Variants in PTPRK observed in about 807,000 individuals in gnomAD.
The protein encoded by PTPRK is protein tyrosine phosphatase receptor type K, also known as receptor-type tyrosine-protein phosphatase kappa.
PTPRK carries 75 observed loss-of-function variants against 178.0 expected under a neutral mutation model. That is an observed-to-expected ratio of 0.42 (90% confidence interval 0.35 to 0.51). The LOEUF is 0.51. Among genes scored for constraint, PTPRK ranks in the 20% least tolerant of loss-of-function variants. The pLI, the probability that PTPRK is intolerant of heterozygous loss-of-function variation, is 0.02. For synonymous variants in PTPRK, 637 were observed against 620.6 expected (o/e 1.03, Z -0.39); for missense variants, 1,441 against 1,797.8 (o/e 0.80, Z 3.59).
intron 1 of PTPRK, among the ~76,000 whole-genome samples, chr6:128,442,501 C>T (rs1180025044): frequency 1.3e-5 from 2 of 152,158 alleles, no homozygotes; most frequent in African/African-American, 2.4e-5. Context: ...GGCCCTCCCA[C>T]CTACAACTAT....
chr6:127,976,507 G>A, intron 27 of PTPRK, 150 bp downstream of exon 27: 1 of 957,750 alleles, frequency 1.0e-6, no homozygotes, highest in East Asian at 2.6e-5. Flanking sequence ...TTTTATTCGA[G>A]TACTAAGGCA....
intron 7 of PTPRK, among the ~76,000 whole-genome samples, chr6:128,126,261 CCT>C (rs759755633): frequency 1.8e-3 from 272 of 152,208 alleles, no homozygotes; most frequent in Non-Finnish European, 3.1e-3. Flanking sequence ...TGTTCCCCTC[CCT>C]GTGTCCATGT....
At chr6:128,486,752 T>C (rs1442820728) in intron 1 of PTPRK, among the ~76,000 whole-genome samples, 2 of 150,780 alleles carry the variant, frequency 1.3e-5, no homozygotes, top group Non-Finnish European at 2.9e-5. Flanking sequence ...CACTCCAGCC[T>C]GGGTGATAGA....
intron 7 of PTPRK, among the ~76,000 whole-genome samples, chr6:128,107,493 G>C (rs1789917250): frequency 6.6e-6 from 1 of 152,052 alleles, no homozygotes; most frequent in Non-Finnish European, 1.5e-5. Context: ...CTAGCCCAAA[G>C]CTGTATAATG....
intron 7 of PTPRK, among the ~76,000 whole-genome samples, chr6:128,116,124 T>C (rs1027783005): frequency 6.6e-6 from 1 of 152,094 alleles, no homozygotes; most frequent in African/African-American, 2.4e-5. Flanking sequence ...CCTAATTATA[T>C]CTTCTATACT....
chr6:128,419,871 A>G (rs1407665948), intron 1 of PTPRK, among the ~76,000 whole-genome samples: 1 of 152,164 alleles, frequency 6.6e-6, no homozygotes. Context: ...TCCCTCCAAA[A>G]AGGAAGGTAA....
At chr6:128,241,210 T>A (rs1189932406) in intron 4 of PTPRK, 1 of 532,970 alleles carries the variant, frequency 1.9e-6, no homozygotes, top group Non-Finnish European at 3.9e-6. Context: ...TACATCTTTC[T>A]CTAGTGACTT....
At chr6:128,166,180 A>G (rs1263873777) in intron 7 of PTPRK, among the ~76,000 whole-genome samples, 1 of 151,730 alleles carries the variant, frequency 6.6e-6, no homozygotes, top group African/African-American at 2.4e-5. Context: ...CCTGAAGGTT[A>G]TGCATTACGG....
At chr6:128,299,622 A>G (rs2128311163) in intron 3 of PTPRK, among the ~76,000 whole-genome samples, 1 of 152,042 alleles carries the variant, frequency 6.6e-6, no homozygotes, top group East Asian at 1.9e-4. Context: ...GCAATGCGGA[A>G]AGGATTCCCT....
At chr6:128,472,896 C>T (rs1218443301) in intron 1 of PTPRK, among the ~76,000 whole-genome samples, 2 of 152,006 alleles carry the variant, frequency 1.3e-5, no homozygotes, top group African/African-American at 4.8e-5. Flanking sequence ...TTATTTGTGG[C>T]AGCAGTGTGA....
Position 128,083,700 on chromosome 6 carries a change from T to C in PTPRK, c.1575+15A>G. On this transcript the variant is annotated intron_variant, in intron 9 of 29. Coordinates refer to ENST00000368226, the MANE Select transcript of PTPRK (RefSeq NM_002844.4). ...TCAATCCACATTTCAATTAACTTCC[T>C]TGTTCTCCCAATACCTCATATTGAG... 1 of 1,491,164 alleles carries C rather than the reference T, an allele frequency of 6.7e-7. No individual in the cohort carries two copies. The highest frequency in any genetic ancestry group is 9.2e-7 in the Non-Finnish European group (1 of 1,087,568). The allele number at this position is 1,491,164 out of a possible 1,614,324, so 92.4% of individuals were successfully genotyped here. A position where few individuals can be genotyped will look rare whatever the true frequency, so the allele number is the denominator to read the frequency against.
At chr6:128,082,366 G>T in intron 10 of PTPRK, 71 bp downstream of exon 10, 1 of 1,388,766 alleles carries the variant, frequency 7.2e-7, no homozygotes, top group South Asian at 1.2e-5. Context: ...GTTTATATGT[G>T]ATTCTCCAGG....
At chr6:128,347,777 A>G (rs1482816787) in intron 2 of PTPRK, among the ~76,000 whole-genome samples, 4 of 152,130 alleles carry the variant, frequency 2.6e-5, no homozygotes, top group Admixed American at 2.6e-4. Flanking sequence ...ATTATCAGGA[A>G]ATAAACTTTT....
chr6:128,288,182 A>G (rs1822817365), intron 3 of PTPRK, among the ~76,000 whole-genome samples: 1 of 152,160 alleles, frequency 6.6e-6, no homozygotes, highest in Non-Finnish European at 1.5e-5. Context: ...ATTTCACTGT[A>G]TACTCGTTGG....
chr6:128,329,018 G>T (rs886309855), intron 2 of PTPRK, among the ~76,000 whole-genome samples: 5 of 152,110 alleles, frequency 3.3e-5, no homozygotes, highest in African/African-American at 1.2e-4. Flanking sequence ...AGAGAAAAAA[G>T]GAAAACTATA....
chr6:128,404,640 C>T (rs1841438797), intron 1 of PTPRK, among the ~76,000 whole-genome samples: 1 of 152,216 alleles, frequency 6.6e-6, no homozygotes, highest in Non-Finnish European at 1.5e-5. Flanking sequence ...CCTCTGAGAC[C>T]TGGGCAGCTC....
intron 7 of PTPRK, among the ~76,000 whole-genome samples, chr6:128,094,087 G>A (rs184992784): frequency 6.6e-6 from 1 of 152,218 alleles, no homozygotes; most frequent in Non-Finnish European, 1.5e-5. Context: ...GAACACAGTT[G>A]GAGAAAATTT....
At chr6:128,097,810 C>G (rs1370250759) in intron 7 of PTPRK, among the ~76,000 whole-genome samples, 1 of 152,076 alleles carries the variant, frequency 6.6e-6, no homozygotes, top group African/African-American at 2.4e-5. Flanking sequence ...TAATCTACTT[C>G]TGTAGGATCA....
chr6:128,062,705 CAG>C (rs1562514875), intron 13 of PTPRK: 2 of 159,244 alleles, frequency 1.3e-5, no homozygotes, highest in African/African-American at 4.8e-5. Context: ...ATTTTAGAGA[CAG>C]GGTCTCACTC....
Sources: allele counts gnomAD v4.1 joint callset (sites outside exome capture counted in the v4.1 genomes callset), GRCh38; gene constraint gnomAD v4.1.1; transcripts MANE v1.5; gene names NCBI Gene and HGNC (gene_info 2026-07-23, HGNC 2026-07-21).